EEA1: variants seen among roughly 807,000 people sequenced by gnomAD.
The protein encoded by EEA1 is early endosome antigen 1, 162kD.
In EEA1, 111 loss-of-function variants were observed where a neutral mutation model predicts 209.2. The observed-to-expected ratio is 0.53, with a 90% CI of 0.45 to 0.62. The LOEUF is 0.62. Ranked by LOEUF, EEA1 falls within the 20% of genes least tolerant of loss-of-function variation. The probability of loss-of-function intolerance (pLI) is 0.00; values close to 1 mark genes in which losing one functional copy is unlikely to be tolerated. For missense variants in EEA1, 1,343 were observed against 1,530.8 expected (o/e 0.88, Z 2.05); for synonymous variants, 536 against 540.6 (o/e 0.99, Z 0.12).
At chr12:92,828,208 C>T (rs539320335) in intron 11 of EEA1, 147 bp from the exon 12 acceptor site, 27 of 540,472 alleles carry the variant, frequency 5.0e-5, no homozygotes, top group African/African-American at 4.9e-4. Flanking sequence ...AGATTTTATA[C>T]AGTAATTTTA....
chr12:92,796,092 A>G (rs1173705283), intron 21 of EEA1, among the ~76,000 whole-genome samples: 2 of 152,274 alleles, frequency 1.3e-5, no homozygotes, highest in Non-Finnish European at 2.9e-5. Flanking sequence ...AAATGAAAAA[A>G]AAAACAGATA....
intron 2 of EEA1, among the ~76,000 whole-genome samples, chr12:92,871,731 T>C (rs1878659105): frequency 6.6e-6 from 1 of 152,252 alleles, no homozygotes; most frequent in African/African-American, 2.4e-5. Flanking sequence ...CCTTATGCTA[T>C]AAATTTGCAT....
rs115987667 is a variant in EEA1 at position 92,828,275 on chromosome 12, C to T, written c.1255-214G>A. Among the ~76,000 whole-genome samples, 393 of 152,210 alleles carry T rather than the reference C, an allele frequency of 2.6e-3. 3 individuals are homozygous for T. The highest frequency in any genetic ancestry group is 8.8e-3 in the African/African-American group (364 of 41,510). On this transcript the variant is annotated intron_variant, in intron 11 of 28. Coordinates refer to ENST00000322349, the MANE Select transcript of EEA1 (RefSeq NM_003566.4). ...TGAATCACATAAAATTATCGTTAAACATCACAATTTTTGTTTTTGTGTTAT... is the reference window on the plus strand; with the variant it reads ...TGAATCACATAAAATTATCGTTAAATATCACAATTTTTGTTTTTGTGTTAT...
In EEA1 at chr12:92,798,925, G is replaced by C; in HGVS notation, c.2934C>G (p.Leu978=). The C allele has an allele frequency of 6.2e-7, 1 of 1,609,750 alleles. No individual in the cohort carries two copies. Among genetic ancestry groups the C allele is most frequent in the East Asian group, 2.2e-5 (1 of 44,656 alleles). ...AAACAGCAATTTTAAGCTCTCCTTG[G>C]AGTGCTTCAATTTGTTTTTTCTTCT... ...SEQKKKQIEA[L]QGELKIAVLQ... The change falls in exon 21 of 29, where the codon CTC becomes CTG. Residue 978 remains leucine (L), a synonymous_variant. Coordinates refer to ENST00000322349, the MANE Select transcript of EEA1 (RefSeq NM_003566.4).
At chr12:92,893,147 T>A (rs1453426323) in intron 1 of EEA1, among the ~76,000 whole-genome samples, 2 of 152,236 alleles carry the variant, frequency 1.3e-5, no homozygotes, top group Non-Finnish European at 2.9e-5. Context: ...TATCATTCAT[T>A]AAAATCTAGG....
intron 19 of EEA1, among the ~76,000 whole-genome samples, chr12:92,802,154 T>A (rs1053451150): frequency 6.6e-6 from 1 of 151,968 alleles, no homozygotes; most frequent in African/African-American, 2.4e-5. Context: ...ACAACACACA[T>A]GAGAAAGACT....
Position 92,809,010 on chromosome 12 carries a change from A to G in EEA1, c.2339+7T>C, listed in dbSNP as rs776971164. On this transcript the variant is annotated splice_region_variant and intron_variant, in intron 18 of 28. Transcript: ENST00000322349. ...CCTTAATTTGTAAGTAAAGTGGTTTAGCTTACATTTCCTTCTCCATTTCAA... is the reference window on the plus strand; with the variant it reads ...CCTTAATTTGTAAGTAAAGTGGTTTGGCTTACATTTCCTTCTCCATTTCAA... 6.3e-7 allele frequency: 1 copy of G among 1,584,604 alleles called. No individual in the cohort carries two copies. Among genetic ancestry groups the G allele is most frequent in the Non-Finnish European group, 8.6e-7 (1 of 1,167,406 alleles).
At position 92,845,397 on chromosome 12, in the gene EEA1, G is replaced by A. The variant is rs185889769; in HGVS notation, c.799-2816C>T. On this transcript the variant is annotated intron_variant, in intron 9 of 28. Coordinates refer to ENST00000322349, the MANE Select transcript of EEA1 (RefSeq NM_003566.4). ...GGGGAAAAAATAAAGATTAAAGACA[G>A]ACAATAATTACAAAAGACAAAAAGT... is the stretch of plus-strand genomic sequence containing the variant. Among the ~76,000 whole-genome samples the A allele has an allele frequency of 3.2e-3, 487 of 152,244 alleles. 3 individuals are homozygous for A. The highest frequency in any genetic ancestry group is 0.011 in the African/African-American group (459 of 41,546).
At position 92,833,120 on chromosome 12, in the gene EEA1, T is replaced by C. The variant is rs554884699; in HGVS notation, c.916-270A>G. On this transcript the variant is annotated intron_variant, in intron 10 of 28. Transcript: ENST00000322349. ...AAAAAAAATAAAATCTACTGGATTTTTTAGGTTATGTGACATATTTATATT... is the reference window on the plus strand; with the variant it reads ...AAAAAAAATAAAATCTACTGGATTTCTTAGGTTATGTGACATATTTATATT... Among the ~76,000 whole-genome samples the C allele has an allele frequency of 5.3e-5, 8 of 152,366 alleles. No homozygotes were observed. The South Asian group carries it at 1.4e-3, about 28-fold the overall frequency.
In EEA1 at chr12:92,772,963, C is replaced by A. The variant is rs187810415; in HGVS notation, c.*3048G>T. ...ATTTAGTAAGTTTATGCACAATATT[C>A]ACATCTGCAACAATAACAAATTGAT... On this transcript the variant is annotated 3_prime_UTR_variant, in exon 29 of 29. Coordinates refer to ENST00000322349, the MANE Select transcript of EEA1 (RefSeq NM_003566.4). 223 of 152,226 alleles carry A rather than the reference C, an allele frequency of 1.5e-3. No individual in the cohort carries two copies. Among genetic ancestry groups the A allele is most frequent in the African/African-American group, 5.3e-3 (218 of 41,502 alleles). 9.4% of individuals were successfully genotyped at this position (152,226 alleles called of 1,614,324 possible). A position where few individuals can be genotyped will look rare whatever the true frequency, so the allele number is the denominator to read the frequency against.
intron 3 of EEA1, among the ~76,000 whole-genome samples, chr12:92,860,542 T>A (rs1032655142): frequency 3.9e-5 from 6 of 152,166 alleles, no homozygotes; most frequent in South Asian, 2.1e-4. Context: ...TTTAAAAAAA[T>A]TTTTTTTCTC....
chr12:92,865,418 A>C (rs1878339050), intron 2 of EEA1, among the ~76,000 whole-genome samples: 1 of 152,050 alleles, frequency 6.6e-6, no homozygotes, highest in South Asian at 2.1e-4. Flanking sequence ...GGGGGAAAAA[A>C]AGTAATTCAT....
chr12:92,825,587 A>G (rs529752115), intron 13 of EEA1, among the ~76,000 whole-genome samples: 5 of 152,240 alleles, frequency 3.3e-5, no homozygotes, highest in African/African-American at 1.2e-4. Context: ...CAGACTTTGT[A>G]TAAATTTAAC....
chr12:92,806,627 T>C (rs1020181952), intron 18 of EEA1, among the ~76,000 whole-genome samples: 1 of 152,204 alleles, frequency 6.6e-6, no homozygotes, highest in African/African-American at 2.4e-5. Flanking sequence ...CAATTCCTTT[T>C]TAAGGCCAGT....
In EEA1 at chr12:92,778,056, T is replaced by G. The variant is rs1873738393; in HGVS notation, c.3778A>C (p.Ser1260Arg). The G allele has an allele frequency of 6.2e-7, 1 of 1,613,448 alleles. No homozygotes were observed. ...TCAAGCTCACTAACTCTCCGTTGAC[T>G]AGATTGCCACTCCTTCTTCACAGTG... ...LGTVKKEWQS[S>R]QRRVSELEKQ... The change falls in exon 26 of 29, where the codon AGT (serine) becomes CGT (arginine). Residue 1260 changes from serine to arginine, a missense_variant. Physicochemically the swap from Ser to Arg is moderately radical, Grantham distance 110. Around this residue, in one of 3 missense-constraint regions of EEA1, gnomAD observed 1,307 missense variants for 1,465.5 expected, o/e 0.89. Transcript: ENST00000322349.
chr12:92,923,635 T>C (rs73364466), intron 1 of EEA1, among the ~76,000 whole-genome samples: 6 of 152,218 alleles, frequency 3.9e-5, no homozygotes, highest in African/African-American at 1.4e-4. Context: ...ACATAGTTAC[T>C]TTTTCTTTTG....
Position 92,829,747 on chromosome 12 carries a change from C to G in EEA1, c.1255-1686G>C, listed in dbSNP as rs998668440. On this transcript the variant is annotated intron_variant, in intron 11 of 28. Coordinates refer to ENST00000322349, the MANE Select transcript of EEA1 (RefSeq NM_003566.4). Reference sequence around the variant, plus strand: ...TGAGCCGAGATCATGCCACTGCACTCCAGCCTGGGTGACAAAGTGAAACTC... The same window carrying G: ...TGAGCCGAGATCATGCCACTGCACTGCAGCCTGGGTGACAAAGTGAAACTC... Among the ~76,000 whole-genome samples, 13 of 145,002 alleles carry G rather than the reference C, an allele frequency of 9.0e-5. No individual in the cohort carries two copies. In the Admixed American group the frequency reaches 9.2e-4, roughly 10 times the overall value.
At position 92,913,458 on chromosome 12, in the gene EEA1, A is replaced by G. The variant is rs1319799303; in HGVS notation, c.24+15585T>C. On this transcript the variant is annotated intron_variant, in intron 1 of 28. Transcript: ENST00000322349. ...TCCTTTGTCAGATGAATAGTTTGCA[A>G]GCATTTTCTCCCATTCTGTAGGTTG... Among the ~76,000 whole-genome samples, 3 of 152,108 alleles carry G rather than the reference A, an allele frequency of 2.0e-5. No individual in the cohort carries two copies. The East Asian group carries it at 5.8e-4, about 29-fold the overall frequency.
intron 20 of EEA1, among the ~76,000 whole-genome samples, chr12:92,799,458 T>C (rs1874803029): frequency 6.6e-6 from 1 of 152,156 alleles, no homozygotes; most frequent in South Asian, 2.1e-4. Flanking sequence ...TATGTCAACA[T>C]CAATGTCTAA....
Sources: gnomAD v4.1 joint callset for allele counts (sites outside exome capture counted in the v4.1 genomes callset) on GRCh38, gnomAD v4.1.1 for gene constraint, gnomAD v4.1.1 regional missense constraint, MANE v1.5 for transcripts, NCBI Gene and HGNC (gene_info 2026-07-23, HGNC 2026-07-21) for gene names.